The following NEDD4 variants were observed in gnomAD, a reference collection of about 807,000 sequenced individuals.
The protein encoded by NEDD4 is NEDD4 E3 ubiquitin protein ligase, also known as E3 ubiquitin-protein ligase NEDD4.
NEDD4 carries 99 observed loss-of-function variants against 144.9 expected under a neutral mutation model. The observed-to-expected ratio is 0.68, with a 90% CI of 0.58 to 0.81. The LOEUF is 0.81. Ranked by LOEUF, NEDD4 falls within the 30% of genes least tolerant of loss-of-function variation. The pLI is 0.00. For missense variants in NEDD4, 985 were observed against 1,065.9 expected, an observed-to-expected ratio of 0.92 and a Z score of 1.06; for synonymous variants, 318 against 350.6, an observed-to-expected ratio of 0.91 and a Z score of 1.04.
intron 5 of NEDD4, among the ~76,000 whole-genome samples, chr15:55,903,843 C>CATAT (rs1349452019): frequency 4.1e-5 from 2 of 48,246 alleles, no homozygotes; most frequent in East Asian, 1.4e-3. Context: ...AAAAAAAACA[C>CATAT]ACATATATAT....
At chr15:55,970,599 T>C (rs1308585952) in intron 1 of NEDD4, among the ~76,000 whole-genome samples, 2 of 152,088 alleles carry the variant, frequency 1.3e-5, no homozygotes, top group Non-Finnish European at 2.9e-5. Flanking sequence ...CTCCAATTGG[T>C]TGGGGGAAAA....
At chr15:55,878,854 CT>C (rs2035083596) in intron 5 of NEDD4, among the ~76,000 whole-genome samples, 1 of 152,208 alleles carries the variant, frequency 6.6e-6, no homozygotes, top group Admixed American at 6.5e-5. Context: ...CGGAGTTTCG[CT>C]CTTGTCGCCC....
At position 55,852,272 on chromosome 15, in the gene NEDD4, G is replaced by A. The variant is rs2034011588; in HGVS notation, c.1146+152C>T. ...ATCACGCCATTGGACTCCAGCCTGG[G>A]CGACAATACTGAGACTCCATCTCAA... On this transcript the variant is annotated intron_variant, in intron 13 of 28. Coordinates refer to ENST00000435532, the MANE Select transcript of NEDD4 (RefSeq NM_006154.4). The A allele has an allele frequency of 1.1e-5, 9 of 812,256 alleles. No homozygotes were observed. In the South Asian group the frequency reaches 2.3e-4, roughly 21 times the overall value. 50.3% of individuals were successfully genotyped at this position (812,256 alleles called of 1,614,324 possible).
At chr15:55,907,655 G>T (rs1169981708) in intron 5 of NEDD4, among the ~76,000 whole-genome samples, 2 of 152,110 alleles carry the variant, frequency 1.3e-5, no homozygotes, top group Non-Finnish European at 2.9e-5. Flanking sequence ...TTTCAGCCTT[G>T]TTACAAAAGT....
chr15:55,942,340 T>C (rs1436775847), intron 4 of NEDD4, among the ~76,000 whole-genome samples: 1 of 152,174 alleles, frequency 6.6e-6, no homozygotes, highest in Non-Finnish European at 1.5e-5. Flanking sequence ...GTATCTCATA[T>C]GGTTTGGAAT....
Position 55,905,298 on chromosome 15 carries a change from G to C in NEDD4, c.291+19348C>G, listed in dbSNP as rs2142170260. On this transcript the variant is annotated intron_variant, in intron 5 of 28. Transcript: ENST00000435532. ...TAACCATGGCTGTAAAACATAACTG[G>C]CAATCATTAGAAGTTTCTTCTCTGG... The C allele has an allele frequency of 8.8e-6, 4 of 455,384 alleles. 1 individual carries two copies. Among genetic ancestry groups the C allele is most frequent in the South Asian group, 6.2e-5 (4 of 64,394 alleles). 28.2% of individuals were successfully genotyped at this position (455,384 alleles called of 1,614,324 possible).
intron 12 of NEDD4, among the ~76,000 whole-genome samples, chr15:55,854,339 G>A (rs1319889259): frequency 6.6e-6 from 1 of 152,118 alleles, no homozygotes; most frequent in Non-Finnish European, 1.5e-5. Flanking sequence ...GTTGTGATGA[G>A]CTGATACATC....
chr15:55,855,361 G>T (rs2034148729), intron 12 of NEDD4, among the ~76,000 whole-genome samples: 1 of 152,188 alleles, frequency 6.6e-6, no homozygotes, highest in East Asian at 1.9e-4. Flanking sequence ...AGACTCAGAA[G>T]CGGGAGAGAA....
intron 2 of NEDD4, among the ~76,000 whole-genome samples, chr15:55,955,366 A>C (rs1315871001): frequency 6.6e-6 from 1 of 152,084 alleles, no homozygotes; most frequent in African/African-American, 2.4e-5. Flanking sequence ...CACATACATT[A>C]ATGTTAACTT....
intron 4 of NEDD4, among the ~76,000 whole-genome samples, chr15:55,939,048 A>G (rs564965203): frequency 6.6e-6 from 1 of 152,302 alleles, no homozygotes; most frequent in African/African-American, 2.4e-5. Flanking sequence ...TGAGGCTGCA[A>G]TAAGCCATGA....
intron 9 of NEDD4, 26 bp from the exon 10 acceptor site, chr15:55,860,804 C>T (rs758462436): frequency 6.3e-7 from 1 of 1,587,206 alleles, no homozygotes; most frequent in Non-Finnish European, 8.6e-7. Flanking sequence ...AAAAAGCCAT[C>T]ATCCATGTCT....
chr15:55,856,025 G>A (rs769582411), intron 12 of NEDD4, 106 bp downstream of exon 12: 2 of 893,008 alleles, frequency 2.2e-6, no homozygotes, highest in South Asian at 1.4e-5. Flanking sequence ...ATTCTGTGCT[G>A]TATTGGCTCC....
At chr15:55,982,896 T>G (rs887279815) in intron 1 of NEDD4, among the ~76,000 whole-genome samples, 1 of 151,962 alleles carries the variant, frequency 6.6e-6, no homozygotes, top group Non-Finnish European at 1.5e-5. Flanking sequence ...CCAAGGTAGG[T>G]GGATCACCTG....
chr15:55,973,439 C>G (rs1419282868), intron 1 of NEDD4, among the ~76,000 whole-genome samples: 5 of 152,050 alleles, frequency 3.3e-5, no homozygotes, highest in African/African-American at 1.2e-4. Flanking sequence ...CATCAGGAGG[C>G]TGAGGTGGGA....
intron 2 of NEDD4, among the ~76,000 whole-genome samples, chr15:55,954,141 C>T (rs1478162174): frequency 6.6e-6 from 1 of 152,030 alleles, no homozygotes; most frequent in African/African-American, 2.4e-5. Context: ...AAGTAATCAA[C>T]ATTTTCCAGA....
chr15:55,953,306 A>C (rs761809197), intron 2 of NEDD4, among the ~76,000 whole-genome samples: 15 of 151,786 alleles, frequency 9.9e-5, no homozygotes, highest in Non-Finnish European at 1.5e-4. Flanking sequence ...TAATTCTTTG[A>C]ATCTCTATAA....
intron 2 of NEDD4, among the ~76,000 whole-genome samples, chr15:55,959,773 T>C (rs2037396448): frequency 6.6e-6 from 1 of 152,158 alleles, no homozygotes; most frequent in South Asian, 2.1e-4. Context: ...ATGGAAACGC[T>C]CAGACTGGCA....
intron 12 of NEDD4, among the ~76,000 whole-genome samples, chr15:55,855,701 C>A (rs190508994): frequency 6.6e-6 from 1 of 152,320 alleles, no homozygotes; most frequent in Non-Finnish European, 1.5e-5. Flanking sequence ...CTGATAAACT[C>A]CAGCCTGGCT....
At chr15:55,946,278 C>T (rs2037111948) in intron 4 of NEDD4, among the ~76,000 whole-genome samples, 1 of 152,106 alleles carries the variant, frequency 6.6e-6, no homozygotes, top group Admixed American at 6.6e-5. Flanking sequence ...TGCAGAGACA[C>T]ACATAGGCTC....
Sources: allele counts gnomAD v4.1 joint callset (sites outside exome capture counted in the v4.1 genomes callset), GRCh38; gene constraint gnomAD v4.1.1; transcripts MANE v1.5; gene names NCBI Gene and HGNC (gene_info 2026-07-23, HGNC 2026-07-21).